Variants in STX8 observed in about 807,000 individuals in gnomAD.
STX8 encodes the protein syntaxin-8.
Under a neutral mutation model 37.5 loss-of-function variants are expected in STX8, and 23 were observed. The observed-to-expected ratio is 0.61, with a 90% CI of 0.44 to 0.87. The LOEUF is 0.87. Among genes scored for constraint, STX8 ranks in the 40% least tolerant of loss-of-function variants. STX8 has a pLI of 0.00. For synonymous variants in STX8, 115 were observed against 99.1 expected, an observed-to-expected ratio of 1.16 and a Z score of -0.95; for missense variants, 313 against 284.7, an observed-to-expected ratio of 1.10 and a Z score of -0.71.
intron 4 of STX8, among the ~76,000 whole-genome samples, chr17:9,526,027 C>A (rs115010627): frequency 6.6e-6 from 1 of 152,190 alleles, no homozygotes; most frequent in African/African-American, 2.4e-5. Flanking sequence ...CAATATGCCA[C>A]ACTTGAACAC....
Position 9,565,006 on chromosome 17 carries a change from G to A in STX8, c.117+3365C>T, listed in dbSNP as rs1449142562. 6.6e-5 allele frequency among the ~76,000 whole-genome samples: 10 copies of A among 152,038 alleles called. No homozygotes were observed. In the South Asian group the frequency reaches 1.5e-3, roughly 22 times the overall value. ...GAGGATCATCTGAGGTCAGGAGTTCGAGATCAACCTGGCCAACATGACAAG... is the reference window on the plus strand; with the variant it reads ...GAGGATCATCTGAGGTCAGGAGTTCAAGATCAACCTGGCCAACATGACAAG... On this transcript the variant is annotated intron_variant, in intron 2 of 7. Coordinates refer to ENST00000306357, the MANE Select transcript of STX8 (RefSeq NM_004853.3).
In STX8 at chr17:9,563,356, G is replaced by A. The variant is rs1374581700; in HGVS notation, c.117+5015C>T. Among the ~76,000 whole-genome samples, 7 of 151,920 alleles carry A rather than the reference G, an allele frequency of 4.6e-5. No homozygotes were observed. The East Asian group carries it at 1.4e-3, about 29-fold the overall frequency. ...CGCCACCACACCCGGCTAATGTTTT[G>A]TATTTTTAGTAGAGACGGGGTTTCA... On this transcript the variant is annotated intron_variant, in intron 2 of 7. Coordinates refer to ENST00000306357, the MANE Select transcript of STX8 (RefSeq NM_004853.3).
intron 7 of STX8, among the ~76,000 whole-genome samples, chr17:9,329,707 G>A: frequency 6.6e-6 from 1 of 152,244 alleles, no homozygotes; most frequent in Non-Finnish European, 1.5e-5. Context: ...CCTGCCTGAG[G>A]CAAAGTAATG....
chr17:9,301,149 T>A (rs533544430), intron 7 of STX8, among the ~76,000 whole-genome samples: 1 of 152,110 alleles, frequency 6.6e-6, no homozygotes, highest in Non-Finnish European at 1.5e-5. Flanking sequence ...TTGTTCTTGA[T>A]CTGATCCTCT....
intron 6 of STX8, among the ~76,000 whole-genome samples, chr17:9,396,424 C>T (rs1359392793): frequency 1.3e-5 from 2 of 152,074 alleles, no homozygotes; most frequent in African/African-American, 4.8e-5. Flanking sequence ...TGGCTCACGC[C>T]TGTAATCCCG....
chr17:9,575,724 C>T (rs1264500861), intron 1 of STX8, 68 bp downstream of exon 1: 34 of 1,536,048 alleles, frequency 2.2e-5, no homozygotes, highest in Non-Finnish European at 2.8e-5. Flanking sequence ...GAAGTGATTG[C>T]CTGCTCTCCG....
intron 7 of STX8, among the ~76,000 whole-genome samples, chr17:9,299,963 T>C (rs1908709795): frequency 6.6e-6 from 1 of 152,234 alleles, no homozygotes; most frequent in Admixed American, 6.5e-5. Flanking sequence ...TCTTGGAACC[T>C]AGGCAGGGCA....
intron 7 of STX8, among the ~76,000 whole-genome samples, chr17:9,325,251 A>C (rs1005962703): frequency 6.6e-6 from 1 of 152,234 alleles, no homozygotes; most frequent in Admixed American, 6.5e-5. Flanking sequence ...TAACCCCCTC[A>C]TAAGTCAAAG....
chr17:9,398,765 C>A (rs1194267392), intron 6 of STX8, among the ~76,000 whole-genome samples: 1 of 152,094 alleles, frequency 6.6e-6, no homozygotes, highest in Non-Finnish European at 1.5e-5. Context: ...CTACAGTCAT[C>A]TGGCTGGGTG....
At chr17:9,561,046 T>C (rs1263359889) in intron 2 of STX8, among the ~76,000 whole-genome samples, 3 of 152,062 alleles carry the variant, frequency 2.0e-5, no homozygotes, top group African/African-American at 4.8e-5. Flanking sequence ...TAGATAGCTA[T>C]GACACACCAA....
chr17:9,358,912 G>A (rs907042297), intron 7 of STX8, among the ~76,000 whole-genome samples: 2 of 152,216 alleles, frequency 1.3e-5, no homozygotes, highest in Admixed American at 6.5e-5. Context: ...GTGATTTAAG[G>A]ATGGGAACAT....
intron 6 of STX8, among the ~76,000 whole-genome samples, chr17:9,379,535 C>T (rs1911720821): frequency 6.6e-6 from 1 of 152,166 alleles, no homozygotes; most frequent in Non-Finnish European, 1.5e-5. Flanking sequence ...GTGCTAATTT[C>T]TTCATCTCTC....
intron 6 of STX8, among the ~76,000 whole-genome samples, chr17:9,445,323 A>G (rs1350591767): frequency 6.6e-6 from 1 of 151,900 alleles, no homozygotes; most frequent in Non-Finnish European, 1.5e-5. Flanking sequence ...TGCGAGTGAG[A>G]AAGAAGAGAC....
intron 6 of STX8, among the ~76,000 whole-genome samples, chr17:9,392,441 C>G (rs967219604): frequency 7.2e-5 from 11 of 151,922 alleles, no homozygotes; most frequent in Non-Finnish European, 8.8e-5. Context: ...GAACCTGTCT[C>G]TACAAAAAAT....
intron 2 of STX8, among the ~76,000 whole-genome samples, chr17:9,562,578 G>A (rs895953941): frequency 1.4e-5 from 2 of 145,774 alleles, no homozygotes; most frequent in African/African-American, 2.6e-5. Context: ...TAGAAAAATG[G>A]GCAAAAGACA....
At chr17:9,480,345 CCTTA>C (rs1906274866) in intron 6 of STX8, among the ~76,000 whole-genome samples, 1 of 152,116 alleles carries the variant, frequency 6.6e-6, no homozygotes, top group Non-Finnish European at 1.5e-5. Context: ...AGGAAAAATA[CCTTA>C]CTATGTTTAA....
intron 7 of STX8, among the ~76,000 whole-genome samples, chr17:9,269,879 G>C (rs1597575167): frequency 6.6e-6 from 1 of 152,182 alleles, no homozygotes; most frequent in East Asian, 1.9e-4. Context: ...GCCTCAGCTT[G>C]AAAACACCCG....
intron 7 of STX8, among the ~76,000 whole-genome samples, chr17:9,367,425 C>A (rs1597627609): frequency 6.6e-6 from 1 of 152,118 alleles, no homozygotes; most frequent in Admixed American, 6.6e-5. Context: ...TCTGGCCCTG[C>A]AGCTGTCACT....
Position 9,251,261 on chromosome 17 carries a change from G to A in STX8, c.644-616C>T, listed in dbSNP as rs187920069. Among the ~76,000 whole-genome samples, 7 of 152,260 alleles carry A rather than the reference G, an allele frequency of 4.6e-5. No individual in the cohort carries two copies. The East Asian group carries it at 9.6e-4, about 21-fold the overall frequency. On this transcript the variant is annotated intron_variant, in intron 7 of 7. Coordinates refer to ENST00000306357, the MANE Select transcript of STX8 (RefSeq NM_004853.3). ...GGGTGCCACTCTGCCTTCCAGCCCC[G>A]CCCTGCCTCCTCTGGGTCGTGTGTC...
Sources: gnomAD v4.1 joint callset for allele counts (sites outside exome capture counted in the v4.1 genomes callset) on GRCh38, gnomAD v4.1.1 for gene constraint, MANE v1.5 for transcripts, NCBI Gene and HGNC (gene_info 2026-07-23, HGNC 2026-07-21) for gene names.